The following FCSK variants were observed in gnomAD, a reference collection of about 807,000 sequenced individuals.
FCSK encodes the protein fucose kinase.
In FCSK, 123 loss-of-function variants were observed where a neutral mutation model predicts 122.5. The ratio of observed to expected loss-of-function variants is 1.00; its 90% CI spans 0.87 to 1.17. The LOEUF (loss-of-function observed/expected upper bound fraction) is 1.17. FCSK is among the 50% of genes most tolerant of loss of function. The pLI is 0.00. For synonymous variants in FCSK, 620 were observed against 625.5 expected (o/e 0.99, Z 0.13); for missense variants, 1,366 against 1,450.4 (o/e 0.94, Z 0.95).
intron 18 of FCSK, 67 bp from the exon 19 acceptor site, chr16:70,475,283 A>G: frequency 6.4e-7 from 1 of 1,574,336 alleles, no homozygotes; most frequent in Non-Finnish European, 8.6e-7. Context: ...TGGGAAGTCC[A>G]GGGTGGGTGG....
rs1355500760 is a variant in FCSK, at chr16:70,471,174, C to T, written c.1171-8C>T. ...CCCACCCAGGATGCCTGCCCTGTCCCCCACCAGGGCCCCATTCACATAGGC... is the reference window on the plus strand; with the variant it reads ...CCCACCCAGGATGCCTGCCCTGTCCTCCACCAGGGCCCCATTCACATAGGC... On this transcript the variant is annotated splice_polypyrimidine_tract_variant and splice_region_variant and intron_variant, in intron 12 of 23. Coordinates refer to ENST00000288078, the MANE Select transcript of FCSK (RefSeq NM_145059.3). 3.8e-6 allele frequency: 6 copies of T among 1,599,028 alleles called. No individual in the cohort carries two copies. The highest frequency in any genetic ancestry group is 5.1e-6 in the Non-Finnish European group (6 of 1,171,014).
intron 7 of FCSK, 173 bp from the exon 8 acceptor site, chr16:70,467,713 C>T: frequency 3.1e-6 from 2 of 653,676 alleles, no homozygotes; most frequent in South Asian, 3.6e-5. Context: ...TTAAAGCCTG[C>T]CCTCTGCCAT....
chr16:70,461,761 C>T (rs1207213093), intron 1 of FCSK, among the ~76,000 whole-genome samples: 2 of 152,360 alleles, frequency 1.3e-5, no homozygotes, highest in East Asian at 3.9e-4. Context: ...TTACCCCATC[C>T]TGCTGCCCTC....
rs2048784494 is a variant in FCSK, at chr16:70,475,661, C to T, written c.2535C>T (p.Ile845=). Residue 845 remains isoleucine (I), a synonymous_variant, in exon 20 of 24, where the codon ATC becomes ATT. Transcript: ENST00000288078. The part of the protein sequence containing the change: ...PHGSGLGTSS[I]LAGTALAALQ... ...TCCGCCCTGCAGGCACCAGCAGCAT[C>T]CTGGCAGGCACTGCCCTGGCTGCCT... is the stretch of plus-strand genomic sequence containing the variant. 2 of 1,597,470 alleles carry T rather than the reference C, an allele frequency of 1.3e-6. No individual in the cohort carries two copies. Among genetic ancestry groups the T allele is most frequent in the Non-Finnish European group, 8.5e-7 (1 of 1,170,596 alleles).
In FCSK at chr16:70,479,869, G is replaced by A. The variant is rs528308681; in HGVS notation, c.*189G>A. 21 of 552,030 alleles carry A rather than the reference G, an allele frequency of 3.8e-5. No individual in the cohort carries two copies. The South Asian group carries it at 4.3e-4, about 11-fold the overall frequency. The allele number at this position is 552,030 out of a possible 1,614,324, so 34.2% of individuals were successfully genotyped here. Reference sequence around the variant, plus strand: ...CAGGACTGTGACCTGGTGGACAGGGGCCTAGATGTAGCCTCTGTTCCTCCT... The same window carrying A: ...CAGGACTGTGACCTGGTGGACAGGGACCTAGATGTAGCCTCTGTTCCTCCT... On this transcript the variant is annotated 3_prime_UTR_variant, in exon 24 of 24. Transcript: ENST00000288078.
chr16:70,459,156 G>C (rs1402579987), intron 1 of FCSK, among the ~76,000 whole-genome samples: 1 of 151,222 alleles, frequency 6.6e-6, no homozygotes, highest in Non-Finnish European at 1.5e-5. Flanking sequence ...CTGGGAGGTC[G>C]AGGCTGCAGT....
At chr16:70,468,611 G>A (rs1032384964) in intron 8 of FCSK, among the ~76,000 whole-genome samples, 1 of 152,224 alleles carries the variant, frequency 6.6e-6, no homozygotes, top group East Asian at 1.9e-4. Context: ...GGACCATGGC[G>A]AGGGTGGAGA....
At chr16:70,468,077 G>T in intron 8 of FCSK, 111 bp downstream of exon 8, 1 of 817,744 alleles carries the variant, frequency 1.2e-6, no homozygotes. Flanking sequence ...GCTAGAGCTA[G>T]AATCTGAGGA....
At chr16:70,467,194 A>C (rs2048445536) in intron 6 of FCSK, 180 bp from the exon 7 acceptor site, 1 of 624,028 alleles carries the variant, frequency 1.6e-6, no homozygotes, top group African/African-American at 1.8e-5. Flanking sequence ...GCTCTGCGGA[A>C]GAACTTTGGG....
chr16:70,479,619 C>T lies in FCSK; in HGVS notation c.3194C>T (p.Thr1065Ile). 1.9e-6 allele frequency: 3 copies of T among 1,614,144 alleles called. No homozygotes were observed. The highest frequency in any genetic ancestry group is 2.5e-6 in the Non-Finnish European group (3 of 1,179,992). The change falls in exon 24 of 24, where the codon ACT becomes ATT. Residue 1065 changes from threonine to isoleucine, a missense_variant. By Grantham distance (89) the Thr-to-Ile change is moderately conservative. Coordinates refer to ENST00000288078, the MANE Select transcript of FCSK (RefSeq NM_145059.3). ...AGCATCCACCTGGTTGAAGTGGACA[C>T]TCAGGGCCTGAGCCTGAAGCTGCTG... ...NYSIHLVEVD[T>I]QGLSLKLLGT...
intron 3 of FCSK, among the ~76,000 whole-genome samples, chr16:70,464,709 A>C (rs1189838437): frequency 6.6e-6 from 1 of 151,820 alleles, no homozygotes; most frequent in Non-Finnish European, 1.5e-5. Context: ...CAAAAAAAAA[A>C]AAAAAAAAAA....
rs1002019626 is a variant in FCSK at position 70,459,223 on chromosome 16, T to A, written c.-22-3946T>A. Among the ~76,000 whole-genome samples, 87 of 131,898 alleles carry A rather than the reference T, an allele frequency of 6.6e-4. 1 individual carries two copies. In the East Asian group the frequency reaches 0.015, roughly 23 times the overall value. The allele number at this position is 131,898 out of a possible 152,430, so 86.5% of individuals were successfully genotyped here. A position where few individuals can be genotyped will look rare whatever the true frequency, so the allele number is the denominator to read the frequency against. ...GGGTGACAGATTGAGACCCTGTCTT[T>A]AAAAAAAAAAAAAAAAGTAAAAAAG... is the stretch of plus-strand genomic sequence containing the variant. On this transcript the variant is annotated intron_variant, in intron 1 of 23. Transcript: ENST00000288078.
chr16:70,469,227 C>G lies in FCSK; in HGVS notation c.859C>G (p.Pro287Ala), dbSNP rs199957411. The G allele has an allele frequency of 1.9e-6, 3 of 1,614,100 alleles. No individual in the cohort carries two copies. The highest frequency in any genetic ancestry group is 2.2e-5 in the South Asian group (2 of 91,082). ...TREDFLVGRP[P>A]ELGQGDADVA... is the part of the protein sequence containing the mutation. ...GGAGGACTTCCTGGTGGGGAGGCCC[C>G]CAGAGTTGGGGCAAGGCGATGCAGA... Residue 287 changes from proline to alanine, a missense_variant, in exon 10 of 24, where the codon CCA (proline) becomes GCA (alanine). Pro to Ala is a conservative substitution (Grantham distance 27). Transcript: ENST00000288078.
intron 1 of FCSK, among the ~76,000 whole-genome samples, chr16:70,459,400 G>C (rs908914098): frequency 6.6e-6 from 1 of 151,864 alleles, no homozygotes; most frequent in African/African-American, 2.4e-5. Context: ...AGTCAGGCGT[G>C]GTGGCACATG....
At chr16:70,478,139 C>T (rs1280940134) in intron 20 of FCSK, 133 bp from the exon 21 acceptor site, 3 of 782,528 alleles carry the variant, frequency 3.8e-6, no homozygotes, top group Non-Finnish European at 6.1e-6. Context: ...CTGCATAGCT[C>T]ACTGTCCTGT....
At chr16:70,470,912 A>G in intron 11 of FCSK, 59 bp from the exon 12 acceptor site, 1 of 1,447,606 alleles carries the variant, frequency 6.9e-7, no homozygotes, top group Non-Finnish European at 9.3e-7. Flanking sequence ...GCTTGGGAGG[A>G]GAGCTGGGGC....
rs17878832 is a variant in FCSK, at chr16:70,474,642, G to A, written c.2103G>A (p.Pro701=). The change falls in exon 17 of 24, where the codon CCG becomes CCA. Residue 701 remains proline, a synonymous_variant. Coordinates refer to ENST00000288078, the MANE Select transcript of FCSK (RefSeq NM_145059.3). The stretch of plus-strand genomic sequence containing the variant: ...TCTCCACAGAGCAGGTGGAACTGCC[G>A]GGACCTGGGCAGTGGGTGGTGGCTG... The part of the protein sequence containing the change: ...HFVSTEQVEL[P]GPGQWVVAEC... 9,352 of 1,596,908 alleles carry A rather than the reference G, an allele frequency of 5.9e-3. 526 individuals carry two copies. The African/African-American group carries it at 0.11, about 19-fold the overall frequency.
At chr16:70,467,810 C>G (rs1333124467) in intron 7 of FCSK, 76 bp from the exon 8 acceptor site, 1 of 1,263,394 alleles carries the variant, frequency 7.9e-7, no homozygotes, top group African/African-American at 1.5e-5. Context: ...AATGCCCTTG[C>G]TGCCACCTGT....
intron 10 of FCSK, 122 bp from the exon 11 acceptor site, chr16:70,470,192 C>G: frequency 1.5e-6 from 1 of 689,304 alleles, no homozygotes; most frequent in East Asian, 2.6e-5. Context: ...AGGTTCCTGA[C>G]TCAGCTTCCC....
Sources: gnomAD v4.1 joint callset for allele counts (sites outside exome capture counted in the v4.1 genomes callset) on GRCh38, gnomAD v4.1.1 for gene constraint, MANE v1.5 for transcripts, NCBI Gene and HGNC (gene_info 2026-07-23, HGNC 2026-07-21) for gene names.